The following CARMIL1 variants were observed in gnomAD, a reference collection of about 807,000 sequenced individuals.
The protein encoded by CARMIL1 is F-actin-uncapping protein LRRC16A.
Under a neutral mutation model 177.1 loss-of-function variants are expected in CARMIL1, and 90 were observed. That is an observed-to-expected ratio of 0.51 (90% CI 0.43 to 0.61). The LOEUF (loss-of-function observed/expected upper bound fraction) is 0.61, where lower values mean the gene tolerates loss of function less well. CARMIL1 is among the 20% of genes least tolerant of loss of function. The pLI is 0.00. For synonymous variants in CARMIL1, 577 were observed against 606.2 expected (o/e 0.95, Z 0.71); for missense variants, 1,380 against 1,667.0 (o/e 0.83, Z 3.00).
chr6:25,591,420 G>T (rs1814288819), intron 31 of CARMIL1, among the ~76,000 whole-genome samples: 1 of 152,190 alleles, frequency 6.6e-6, no homozygotes, highest in African/African-American at 2.4e-5. Flanking sequence ...CTTTCTCTGA[G>T]TGCAAATGCA....
At chr6:25,430,555 A>C (rs1380834466) in intron 4 of CARMIL1, among the ~76,000 whole-genome samples, 1 of 151,284 alleles carries the variant, frequency 6.6e-6, no homozygotes, top group Non-Finnish European at 1.5e-5. Context: ...TCATCCTCCC[A>C]AGTAGCTGGG....
At chr6:25,575,294 A>G (rs1812479537) in intron 29 of CARMIL1, among the ~76,000 whole-genome samples, 2 of 152,154 alleles carry the variant, frequency 1.3e-5, no homozygotes, top group Admixed American at 1.3e-4. Flanking sequence ...TTCTATCAAA[A>G]AGTTGAAATG....
At position 25,468,196 on chromosome 6, in the gene CARMIL1, AT is replaced by A. The variant is rs544092728; in HGVS notation, c.690+2253del. Among the ~76,000 whole-genome samples the A allele has an allele frequency of 4.3e-3, 614 of 141,774 alleles. 1 individual carries two copies. The highest frequency in any genetic ancestry group is 0.01 in the African/African-American group (412 of 39,856). 93.0% of individuals were successfully genotyped at this position (141,774 alleles called of 152,430 possible). ...TCACTATTTCTAATTTGAGTCAAGG[AT>A]TTTTAAAAAAAAAAATGGTACCGAA... is the stretch of plus-strand genomic sequence containing the variant. On this transcript the variant is annotated intron_variant, in intron 9 of 36. Transcript: ENST00000329474.
intron 4 of CARMIL1, among the ~76,000 whole-genome samples, chr6:25,429,393 C>T (rs927956293): frequency 5.6e-5 from 7 of 124,084 alleles, no homozygotes; most frequent in African/African-American, 1.6e-4. Context: ...CTGACCCAGG[C>T]GTCTCCTGTC....
intron 26 of CARMIL1, among the ~76,000 whole-genome samples, chr6:25,549,053 C>A (rs1383009888): frequency 6.6e-6 from 1 of 152,176 alleles, no homozygotes; most frequent in African/African-American, 2.4e-5. Context: ...ATGCCTAAGA[C>A]AGGCTAAAAT....
At chr6:25,350,673 A>G (rs1788023005) in intron 2 of CARMIL1, 1 of 152,202 alleles carries the variant, frequency 6.6e-6, no homozygotes, top group South Asian at 2.1e-4. Flanking sequence ...TAATTCCTTT[A>G]AAGTTCTTGA....
chr6:25,488,419 A>G, intron 12 of CARMIL1, 63 bp from the exon 13 acceptor site: 1 of 1,202,216 alleles, frequency 8.3e-7, no homozygotes, highest in South Asian at 1.2e-5. Context: ...CCATTTATAG[A>G]AACACAAACC....
chr6:25,488,640 G>C (rs1802906668), intron 13 of CARMIL1, 55 bp downstream of exon 13: 3 of 1,365,470 alleles, frequency 2.2e-6, no homozygotes, highest in Admixed American at 1.7e-5. Flanking sequence ...AATAAGCCTG[G>C]AATAATTCTA....
chr6:25,298,539 T>G (rs1019649492), intron 2 of CARMIL1, among the ~76,000 whole-genome samples: 2 of 152,214 alleles, frequency 1.3e-5, no homozygotes, highest in Non-Finnish European at 2.9e-5. Context: ...CCAATACGTA[T>G]CTGTTTTTCA....
intron 4 of CARMIL1, among the ~76,000 whole-genome samples, chr6:25,434,716 AT>A (rs1194892243): frequency 3.4e-5 from 5 of 147,488 alleles, no homozygotes; most frequent in East Asian, 2.0e-4. Flanking sequence ...GTATTTTTGT[AT>A]TTTTTTTTCT....
intron 9 of CARMIL1, among the ~76,000 whole-genome samples, chr6:25,467,504 C>G (rs1433836852): frequency 6.6e-6 from 1 of 152,218 alleles, no homozygotes; most frequent in African/African-American, 2.4e-5. Flanking sequence ...TTGTGGATAT[C>G]TCACTTTTGG....
chr6:25,307,907 T>G (rs1783405496), intron 2 of CARMIL1, among the ~76,000 whole-genome samples: 1 of 152,128 alleles, frequency 6.6e-6, no homozygotes, highest in African/African-American at 2.4e-5. Context: ...ATAACCAGAA[T>G]TTTTACCTCT....
chr6:25,581,955 ACTCCAGT>A (rs1813158473), intron 31 of CARMIL1, among the ~76,000 whole-genome samples: 1 of 151,874 alleles, frequency 6.6e-6, no homozygotes, highest in Non-Finnish European at 1.5e-5. Flanking sequence ...TCCTCTTTCT[ACTCCAGT>A]AGAAGACTCA....
rs568309134 is a variant in CARMIL1, at chr6:25,335,117, A to C, written c.138+50208A>C. ...TCATTTCACTGTCCTGCATGGGGTT[A>C]TGCTTTTTTCTTTCAATGAAGCGTA... On this transcript the variant is annotated intron_variant, in intron 2 of 36. Coordinates refer to ENST00000329474, the MANE Select transcript of CARMIL1 (RefSeq NM_017640.6). Among the ~76,000 whole-genome samples the C allele has an allele frequency of 1.1e-4, 17 of 152,284 alleles. No homozygotes were observed. The East Asian group carries it at 1.9e-3, about 17-fold the overall frequency.
At chr6:25,332,525 A>G (rs374969569) in intron 2 of CARMIL1, among the ~76,000 whole-genome samples, 1 of 152,192 alleles carries the variant, frequency 6.6e-6, no homozygotes, top group Admixed American at 6.5e-5. Flanking sequence ...AGAAGAATCC[A>G]GGACGATTCC....
chr6:25,391,915 T>C (rs547900812), intron 2 of CARMIL1, among the ~76,000 whole-genome samples: 37 of 152,300 alleles, frequency 2.4e-4, no homozygotes, highest in African/African-American at 8.4e-4. Context: ...GTCCCTGGCA[T>C]GCCACATTCT....
intron 2 of CARMIL1, among the ~76,000 whole-genome samples, chr6:25,317,631 A>G (rs1349171093): frequency 7.0e-6 from 1 of 143,496 alleles, no homozygotes; most frequent in Non-Finnish European, 1.5e-5. Context: ...CAGTGATACC[A>G]TCACAGCTCG....
At chr6:25,540,120 T>G (rs753097003) in intron 26 of CARMIL1, 42 bp downstream of exon 26, 6 of 1,543,856 alleles carry the variant, frequency 3.9e-6, no homozygotes, top group Non-Finnish European at 5.3e-6. Flanking sequence ...TTGTTAATAT[T>G]TAACTACGCA....
At chr6:25,506,300 A>C (rs1201422293) in intron 17 of CARMIL1, among the ~76,000 whole-genome samples, 1 of 152,208 alleles carries the variant, frequency 6.6e-6, no homozygotes, top group African/African-American at 2.4e-5. Flanking sequence ...TCATCCCAGC[A>C]CTTTGGGAGG....
Sources: allele counts gnomAD v4.1 joint callset (sites outside exome capture counted in the v4.1 genomes callset), GRCh38; gene constraint gnomAD v4.1.1; transcripts MANE v1.5; gene names NCBI Gene and HGNC (gene_info 2026-07-23, HGNC 2026-07-21).